PLA2R1: variants seen among roughly 807,000 people sequenced by gnomAD.
PLA2R1 encodes the protein secretory phospholipase A2 receptor.
Under a neutral mutation model 195.9 loss-of-function variants are expected in PLA2R1, and 158 were observed. That is an observed-to-expected ratio of 0.81 (90% CI 0.71 to 0.92). The LOEUF is 0.92. Among genes scored for constraint, PLA2R1 ranks in the 40% least tolerant of loss-of-function variants. PLA2R1 has a pLI of 0.00. For missense variants in PLA2R1, 1,626 were observed against 1,764.6 expected (o/e 0.92, Z 1.41); for synonymous variants, 586 against 598.2 (o/e 0.98, Z 0.30).
downstream of PLA2R1, among the ~76,000 whole-genome samples, chr2:159,930,840 T>C (rs1351281479): frequency 1.3e-5 from 2 of 152,212 alleles, no homozygotes; most frequent in East Asian, 1.9e-4. Context: ...CCTGCTTCCA[T>C]AGGGGACTGT....
chr2:160,025,394 T>C (rs530759798), intron 6 of PLA2R1, among the ~76,000 whole-genome samples: 1 of 151,926 alleles, frequency 6.6e-6, no homozygotes, highest in East Asian at 1.9e-4. Flanking sequence ...ACCAAGATGG[T>C]AAAACATAAC....
chr2:160,015,340 A>T (rs1263048345), intron 9 of PLA2R1, among the ~76,000 whole-genome samples: 1 of 152,234 alleles, frequency 6.6e-6, no homozygotes, highest in Non-Finnish European at 1.5e-5. Flanking sequence ...AATTGCATTG[A>T]AGCAACTTTC....
chr2:159,951,238 T>G (rs1456685434), intron 24 of PLA2R1, 102 bp downstream of exon 24: 11 of 707,546 alleles, frequency 1.6e-5, no homozygotes, highest in African/African-American at 7.1e-5. Context: ...TTAATATTTT[T>G]GGGATCTTTT....
intron 8 of PLA2R1, among the ~76,000 whole-genome samples, chr2:160,018,485 A>C (rs763066151): frequency 6.6e-5 from 10 of 152,208 alleles, no homozygotes; most frequent in Non-Finnish European, 1.3e-4. Flanking sequence ...TACAAAAATT[A>C]GCCAGGCATG....
chr2:159,991,754 A>C (rs1365039778), intron 11 of PLA2R1, among the ~76,000 whole-genome samples: 2 of 136,230 alleles, frequency 1.5e-5, no homozygotes, highest in African/African-American at 2.7e-5. Flanking sequence ...GAGAATGATG[A>C]TTTCCAATTT....
chr2:159,945,058 C>T lies in PLA2R1; in HGVS notation c.3992G>A (p.Gly1331Glu), dbSNP rs752988982. ...CCAGTTTGACTGGTCTGTGGGAGTTCCATCAAACCACTTTATGGTTTCATC... is the reference window on the plus strand; with the variant it reads ...CCAGTTTGACTGGTCTGTGGGAGTTTCATCAAACCACTTTATGGTTTCATC... The part of the protein sequence containing the change: ...GNNETIKWFD[G>E]TPTDQSNWGI... The change falls in exon 28 of 30, where the codon GGA (glycine) becomes GAA (glutamate). Residue 1331 changes from glycine to glutamate, a missense_variant. Physicochemically the swap from Gly to Glu is moderately conservative, Grantham distance 98. Coordinates refer to ENST00000283243, the MANE Select transcript of PLA2R1 (RefSeq NM_007366.5). The T allele has an allele frequency of 1.2e-6, 2 of 1,612,126 alleles. No homozygotes were observed. Among genetic ancestry groups the T allele is most frequent in the Non-Finnish European group, 1.7e-6 (2 of 1,178,788 alleles).
intron 20 of PLA2R1, among the ~76,000 whole-genome samples, chr2:159,963,791 T>C (rs919392738): frequency 2.0e-5 from 3 of 152,142 alleles, no homozygotes; most frequent in Non-Finnish European, 4.4e-5. Context: ...TGTAAAATGG[T>C]TTGGTCGCTG....
intron 20 of PLA2R1, among the ~76,000 whole-genome samples, chr2:159,965,351 C>T (rs1250362982): frequency 6.6e-6 from 1 of 152,176 alleles, no homozygotes; most frequent in African/African-American, 2.4e-5. Flanking sequence ...TTTACTGTCT[C>T]TCTAGTTTTG....
chr2:159,975,957 A>C (rs1689520875), intron 17 of PLA2R1, 111 bp downstream of exon 17: 2 of 810,862 alleles, frequency 2.5e-6, no homozygotes, highest in Non-Finnish European at 4.1e-6. Flanking sequence ...CTTTTACTGA[A>C]GTTTAAATAA....
intron 1 of PLA2R1, among the ~76,000 whole-genome samples, chr2:160,061,531 T>C (rs1320936575): frequency 6.6e-6 from 1 of 152,120 alleles, no homozygotes; most frequent in Non-Finnish European, 1.5e-5. Flanking sequence ...CCCAGAACTT[T>C]GGGAGGACGA....
chr2:160,020,005 A>G, intron 8 of PLA2R1, 101 bp downstream of exon 8: 2 of 731,006 alleles, frequency 2.7e-6, no homozygotes, highest in Non-Finnish European at 4.6e-6. Flanking sequence ...AGGAACAGGG[A>G]CTGCACCTGT....
At position 159,957,333 on chromosome 2, in the gene PLA2R1, A is replaced by G. The variant is rs538760650; in HGVS notation, c.2905-706T>C. ...TGCAAGAGAGAATCATGTCTGCATC[A>G]TGGCAGAGGTTTCTTTTCTTTTCTT... On this transcript the variant is annotated intron_variant, in intron 20 of 29. Coordinates refer to ENST00000283243, the MANE Select transcript of PLA2R1 (RefSeq NM_007366.5). Among the ~76,000 whole-genome samples the G allele has an allele frequency of 2.3e-4, 35 of 152,266 alleles. No homozygotes were observed. The East Asian group carries it at 6.4e-3, about 28-fold the overall frequency.
chr2:160,032,927 T>G, intron 4 of PLA2R1, 32 bp downstream of exon 4: 2 of 1,403,768 alleles, frequency 1.4e-6, no homozygotes, highest in Non-Finnish European at 2.0e-6. Flanking sequence ...TTTTATTGTA[T>G]CAATATCAAT....
At chr2:159,973,323 C>CT (rs932133759) in intron 17 of PLA2R1, among the ~76,000 whole-genome samples, 3 of 152,010 alleles carry the variant, frequency 2.0e-5, no homozygotes, top group Admixed American at 6.6e-5. Context: ...AAAGCAACAG[C>CT]TTTCTTCTTT....
At chr2:159,995,277 T>A (rs1691136383) in intron 11 of PLA2R1, among the ~76,000 whole-genome samples, 1 of 152,092 alleles carries the variant, frequency 6.6e-6, no homozygotes, top group Admixed American at 6.6e-5. Flanking sequence ...AAACTGAACA[T>A]CATGGCATTA....
At chr2:159,963,043 C>T (rs1400711750) in intron 20 of PLA2R1, among the ~76,000 whole-genome samples, 7 of 152,002 alleles carry the variant, frequency 4.6e-5, no homozygotes, top group Admixed American at 2.0e-4. Context: ...AAAAAATCCT[C>T]TTTTACACAT....
chr2:160,033,469 C>A (rs552722547), intron 3 of PLA2R1, among the ~76,000 whole-genome samples: 3 of 152,260 alleles, frequency 2.0e-5, no homozygotes, highest in Admixed American at 2.0e-4. Context: ...TCATTTAGAA[C>A]TTTATATTGA....
intron 15 of PLA2R1, 146 bp from the exon 16 acceptor site, chr2:159,976,866 T>TG (rs1347276720): frequency 9.0e-6 from 6 of 667,952 alleles, no homozygotes; most frequent in African/African-American, 1.8e-5. Flanking sequence ...TTGGAATATA[T>TG]GGTGAGTTCT....
rs1686783711 is a variant in PLA2R1, at chr2:159,935,602, A to AG, written c.*6175dup. ...CTTCAGGTTGGTTCCTGTAGCCTTC[A>AG]GACATGTGCCATCTTTTTGTGAGCA... is the stretch of plus-strand genomic sequence containing the variant. On this transcript the variant is annotated 3_prime_UTR_variant, in exon 30 of 30. Coordinates refer to ENST00000283243, the MANE Select transcript of PLA2R1 (RefSeq NM_007366.5). The AG allele has an allele frequency of 6.6e-6, 1 of 152,130 alleles. No homozygotes were observed. Among genetic ancestry groups the AG allele is most frequent in the African/African-American group, 2.4e-5 (1 of 41,374 alleles). 9.4% of individuals were successfully genotyped at this position (152,130 alleles called of 1,614,324 possible). A position where few individuals can be genotyped will look rare whatever the true frequency, so the allele number is the denominator to read the frequency against.
Sources: allele counts gnomAD v4.1 joint callset (sites outside exome capture counted in the v4.1 genomes callset), GRCh38; gene constraint gnomAD v4.1.1; transcripts MANE v1.5; gene names NCBI Gene and HGNC (gene_info 2026-07-23, HGNC 2026-07-21).